DNM1L: variants seen among roughly 807,000 people sequenced by gnomAD.
The protein encoded by DNM1L is dynamin 1L.
DNM1L carries 33 observed loss-of-function variants against 92.8 expected under a neutral mutation model. The observed-to-expected ratio is 0.36, with a 90% CI of 0.27 to 0.48. DNM1L has a LOEUF of 0.48. DNM1L is among the 20% of genes least tolerant of loss of function. DNM1L has a pLI of 0.99. For synonymous variants in DNM1L, 284 were observed against 305.0 expected, an observed-to-expected ratio of 0.93 and a Z score of 0.72; for missense variants, 485 against 888.8, an observed-to-expected ratio of 0.55 and a Z score of 5.78.
chr12:32,691,694 A>G (rs1565491491), intron 1 of DNM1L, among the ~76,000 whole-genome samples: 1 of 152,216 alleles, frequency 6.6e-6, no homozygotes, highest in East Asian at 1.9e-4. Flanking sequence ...GATCAAAAAC[A>G]TATGTTACGG....
Position 32,740,136 on chromosome 12 carries a change from A to C in DNM1L, c.1780A>C (p.Lys594Gln), listed in dbSNP as rs749727800. ...PTTGNWRGML[K>Q]TSKAEELLAE... ...CACAGGCAACTGGAGAGGAATGCTG[A>C]AAACTTCAAAAGCTGAAGAGTTATT... The change falls in exon 17 of 20, where the codon AAA becomes CAA. Residue 594 changes from lysine to glutamine, a missense_variant. Lys to Gln is a moderately conservative substitution (Grantham distance 53, BLOSUM62 1). Coordinates refer to ENST00000549701, the MANE Select transcript of DNM1L (RefSeq NM_012062.5). 6.2e-7 allele frequency: 1 copy of C among 1,614,232 alleles called. No homozygotes were observed. The highest frequency in any genetic ancestry group is 1.7e-5 in the Admixed American group (1 of 60,024).
rs184861715 is a variant in DNM1L, at chr12:32,732,326, C to T, written c.1446+383C>T. ...AGCACACTGTTACTTTGAGGTACAT[C>T]GGAGTAATCTGGCCACTTCTGCAGT... On this transcript the variant is annotated intron_variant, in intron 12 of 19. Transcript: ENST00000549701. Among the ~76,000 whole-genome samples, 109 of 152,216 alleles carry T rather than the reference C, an allele frequency of 7.2e-4. 1 individual carries two copies. Among genetic ancestry groups the T allele is most frequent in the East Asian group, 1.7e-3 (9 of 5,182 alleles).
intron 1 of DNM1L, among the ~76,000 whole-genome samples, chr12:32,687,725 C>A (rs2137231795): frequency 1.3e-5 from 2 of 152,226 alleles, no homozygotes; most frequent in Middle Eastern, 6.8e-3. Flanking sequence ...GCTGGGAATA[C>A]AGGCATGAGC....
intron 2 of DNM1L, among the ~76,000 whole-genome samples, chr12:32,704,461 A>C (rs1952839355): frequency 6.6e-6 from 1 of 151,892 alleles, no homozygotes; most frequent in African/African-American, 2.4e-5. Flanking sequence ...GAGGCAGGAG[A>C]ATCGCTTGAA....
intron 6 of DNM1L, among the ~76,000 whole-genome samples, chr12:32,716,386 G>A (rs988125229): frequency 6.6e-6 from 1 of 152,056 alleles, no homozygotes; most frequent in Non-Finnish European, 1.5e-5. Flanking sequence ...CCAGGGTGGA[G>A]TGCAGTGGTG....
At chr12:32,683,696 C>T (rs1175929116) in intron 1 of DNM1L, among the ~76,000 whole-genome samples, 3 of 151,828 alleles carry the variant, frequency 2.0e-5, no homozygotes, top group Non-Finnish European at 4.4e-5. Flanking sequence ...AGGTGCATGC[C>T]ACCACGCCCA....
intron 1 of DNM1L, 89 bp from the exon 2 acceptor site, chr12:32,701,326 C>A: frequency 8.8e-7 from 1 of 1,134,020 alleles, no homozygotes; most frequent in Non-Finnish European, 1.3e-6. Flanking sequence ...TAAAATAATT[C>A]TGTATGCTGG....
chr12:32,730,940 C>A (rs1408336938), intron 9 of DNM1L, 74 bp from the exon 10 acceptor site: 1 of 1,600,942 alleles, frequency 6.2e-7, no homozygotes, highest in East Asian at 2.2e-5. Flanking sequence ...CTTAAAGCTT[C>A]TAGAAAGACT....
rs201919860 is a variant in DNM1L, at chr12:32,730,993, A to G, written c.1080-21A>G. 132 of 1,613,510 alleles carry G rather than the reference A, an allele frequency of 8.2e-5. 1 individual carries two copies. The highest frequency in any genetic ancestry group is 2.7e-5 in the African/African-American group (2 of 74,914). On this transcript the variant is annotated intron_variant, in intron 9 of 19. Transcript: ENST00000549701. ...TTCCCTTTTTGCAATGCCAGAAACC[A>G]TATACTTCATTGCCTTTCAGATGCG...
chr12:32,717,954 A>T (rs1336134513), intron 6 of DNM1L, among the ~76,000 whole-genome samples: 1 of 107,594 alleles, frequency 9.3e-6, no homozygotes, highest in Non-Finnish European at 1.7e-5. Flanking sequence ...AATATAGTAT[A>T]TATAGTATAT....
chr12:32,697,771 GA>G (rs202051793), intron 1 of DNM1L, among the ~76,000 whole-genome samples: 24 of 148,658 alleles, frequency 1.6e-4, no homozygotes, highest in Non-Finnish European at 2.2e-4. Context: ...TTCACCAGGA[GA>G]AAAAAAAATC....
In DNM1L at chr12:32,737,179, A is replaced by T; in HGVS notation, c.1596+18A>T. 6.2e-7 allele frequency: 1 copy of T among 1,612,696 alleles called. No homozygotes were observed. Among genetic ancestry groups the T allele is most frequent in the Non-Finnish European group, 8.5e-7 (1 of 1,179,172 alleles). On this transcript the variant is annotated intron_variant, in intron 14 of 19. Coordinates refer to ENST00000549701, the MANE Select transcript of DNM1L (RefSeq NM_012062.5). ...GAGACAAGGTAAAAAAATGTTTTTA[A>T]TGCATATTCCCAATACCTAAAGATA...
intron 13 of DNM1L, among the ~76,000 whole-genome samples, chr12:32,736,192 C>T (rs900781155): frequency 6.6e-6 from 1 of 151,560 alleles, no homozygotes; most frequent in Non-Finnish European, 1.5e-5. Flanking sequence ...CTGCCGCAGC[C>T]TCCTGAGTAG....
intron 1 of DNM1L, among the ~76,000 whole-genome samples, chr12:32,691,601 C>T (rs1952238205): frequency 6.6e-6 from 1 of 152,072 alleles, no homozygotes; most frequent in Non-Finnish European, 1.5e-5. Flanking sequence ...TAGTCACATT[C>T]CGAGGTACTG....
At chr12:32,681,917 C>G (rs73295918) in intron 1 of DNM1L, among the ~76,000 whole-genome samples, 2,618 of 151,854 alleles carry the variant, frequency 0.017, 69 homozygotes, top group African/African-American at 0.06. Context: ...TTGCCTGAGT[C>G]CAGGAGTTTG....
chr12:32,709,760 T>C (rs1953053758), intron 4 of DNM1L, among the ~76,000 whole-genome samples: 1 of 152,212 alleles, frequency 6.6e-6, no homozygotes, highest in Non-Finnish European at 1.5e-5. Flanking sequence ...TGTATTGGAC[T>C]GATAGGGGAA....
At chr12:32,696,927 G>A (rs1429191021) in intron 1 of DNM1L, among the ~76,000 whole-genome samples, 1 of 151,132 alleles carries the variant, frequency 6.6e-6, no homozygotes, top group African/African-American at 2.4e-5. Flanking sequence ...AACCGGGCTG[G>A]TGTACACTTT....
rs540269186 is a variant in DNM1L, at chr12:32,683,865, G to A, written c.102+4400G>A. Among the ~76,000 whole-genome samples the A allele has an allele frequency of 8.5e-5, 13 of 152,150 alleles. No homozygotes were observed. In the South Asian group the frequency reaches 2.7e-3, roughly 32 times the overall value. On this transcript the variant is annotated intron_variant, in intron 1 of 19. Coordinates refer to ENST00000549701, the MANE Select transcript of DNM1L (RefSeq NM_012062.5). ...GCCTAATTTTTGTATTTTTAGTAGA[G>A]ACAGCATTTTACAACGTTGGCCAGA...
At chr12:32,708,063 A>T in intron 3 of DNM1L, 90 bp from the exon 4 acceptor site, 1 of 686,778 alleles carries the variant, frequency 1.5e-6, no homozygotes, top group South Asian at 1.7e-5. Flanking sequence ...AAATACATAG[A>T]CATCCTTGAA....
Sources: gnomAD v4.1 joint callset for allele counts (sites outside exome capture counted in the v4.1 genomes callset) on GRCh38, gnomAD v4.1.1 for gene constraint, MANE v1.5 for transcripts, NCBI Gene and HGNC (gene_info 2026-07-23, HGNC 2026-07-21) for gene names.